Variants in MYOCD observed in about 807,000 individuals in gnomAD.
The protein encoded by MYOCD is myocardin.
In MYOCD, 32 loss-of-function variants were observed where a neutral mutation model predicts 96.1. The ratio of observed to expected loss-of-function variants is 0.33; its 90% CI spans 0.25 to 0.45. The LOEUF (loss-of-function observed/expected upper bound fraction) is 0.45, where lower values mean the gene tolerates loss of function less well. MYOCD is among the 20% of genes least tolerant of loss of function. The pLI, the probability that MYOCD is intolerant of heterozygous loss-of-function variation, is 1.00. For synonymous variants in MYOCD, 469 were observed against 469.0 expected (o/e 1.00, Z 0.00); for missense variants, 1,133 against 1,200.6 (o/e 0.94, Z 0.83).
At chr17:12,691,848 A>C (rs1195172399) in intron 1 of MYOCD, among the ~76,000 whole-genome samples, 1 of 152,174 alleles carries the variant, frequency 6.6e-6, no homozygotes, top group Non-Finnish European at 1.5e-5. Flanking sequence ...GAGCTTTTAT[A>C]TCTTAGGAGC....
At chr17:12,700,398 A>ATTTTT in intron 1 of MYOCD, among the ~76,000 whole-genome samples, 3 of 83,482 alleles carry the variant, frequency 3.6e-5, no homozygotes, top group Non-Finnish European at 6.7e-5. Flanking sequence ...GCAATGGGAG[A>ATTTTT]ATTTTTTTTT....
chr17:12,710,481 TA>T, intron 2 of MYOCD: 1 of 960,016 alleles, frequency 1.0e-6, no homozygotes, highest in Non-Finnish European at 1.2e-6. Flanking sequence ...GTGCTGCCTT[TA>T]TTTTTTTTGC....
At chr17:12,687,720 G>A (rs1163717162) in intron 1 of MYOCD, among the ~76,000 whole-genome samples, 2 of 152,194 alleles carry the variant, frequency 1.3e-5, no homozygotes, top group Non-Finnish European at 2.9e-5. Flanking sequence ...CTTTGGCGCT[G>A]AAGAGGTTGC....
Position 12,763,152 on chromosome 17 carries a change from T to C in MYOCD, c.2469T>C (p.Thr823=). Residue 823 remains threonine (T), a synonymous_variant, in exon 14 of 14, where the codon ACT becomes ACC. Transcript: ENST00000425538. The part of the protein sequence containing the change: ...PKIPRSSRSP[T]AVLTKPSASF... ...TACCCAGATCTTCCCGAAGTCCAAC[T>C]GCTGTCCTCACCAAGCCCTCGGCTT... The C allele has an allele frequency of 6.2e-7, 1 of 1,614,192 alleles. No homozygotes were observed. Among genetic ancestry groups the C allele is most frequent in the African/African-American group, 1.3e-5 (1 of 75,058 alleles).
At chr17:12,710,250 G>A (rs2031440255) in intron 2 of MYOCD, among the ~76,000 whole-genome samples, 2 of 152,124 alleles carry the variant, frequency 1.3e-5, no homozygotes, top group African/African-American at 4.8e-5. Context: ...TTAACCCAGG[G>A]GAGAGATGAA....
At chr17:12,716,524 C>T (rs1200038210) in intron 3 of MYOCD, among the ~76,000 whole-genome samples, 1 of 152,166 alleles carries the variant, frequency 6.6e-6, no homozygotes, top group African/African-American at 2.4e-5. Flanking sequence ...TCTTCATGCC[C>T]ATCCAGTTCC....
In MYOCD at chr17:12,752,744, C is replaced by T. The variant is rs1290198962; in HGVS notation, c.1456C>T (p.Pro486Ser). Residue 486 changes from proline (P) to serine (S), a missense_variant, in exon 10 of 14, where the codon CCG (proline) becomes TCG (serine). Physicochemically the swap from Pro to Ser is moderately conservative, Grantham distance 74. Transcript: ENST00000425538. The stretch of plus-strand genomic sequence containing the variant: ...TGCCTCCCCCTCCTTCGGCCTGCAC[C>T]CGTCCCCAGTCCACGTGTGCACGGA... ...NDASPSFGLH[P>S]SPVHVCTEES... 6.2e-7 allele frequency: 1 copy of T among 1,614,146 alleles called. No individual in the cohort carries two copies. Among genetic ancestry groups the T allele is most frequent in the Non-Finnish European group, 8.5e-7 (1 of 1,180,036 alleles).
In MYOCD at chr17:12,758,098, A is replaced by C. The variant is rs773002619; in HGVS notation, c.2216A>C (p.His739Pro). The C allele has an allele frequency of 1.2e-6, 2 of 1,613,530 alleles. No homozygotes were observed. Among genetic ancestry groups the C allele is most frequent in the Non-Finnish European group, 1.7e-6 (2 of 1,179,572 alleles). Residue 739 changes from histidine to proline, a missense_variant, in exon 12 of 14, where the codon CAC becomes CCC. Transcript: ENST00000425538. ...PCVQQKMAGL[H>P]SSDKVGPKFS... ...TTACCCATGCAGATGGCTGGTTTAC[A>C]CTCTTCTGATAAGGTGGGGCCAAAG...
At chr17:12,739,670 G>A (rs909078969) in intron 7 of MYOCD, among the ~76,000 whole-genome samples, 1 of 152,158 alleles carries the variant, frequency 6.6e-6, no homozygotes, top group Non-Finnish European at 1.5e-5. Flanking sequence ...TCATAAAATA[G>A]GTATGCAGCA....
intron 4 of MYOCD, among the ~76,000 whole-genome samples, chr17:12,718,486 A>C (rs1413360104): frequency 6.6e-6 from 1 of 152,238 alleles, no homozygotes. Flanking sequence ...CTAGCTTTAA[A>C]GCGCACGAAA....
chr17:12,720,332 C>A (rs1302404084), intron 4 of MYOCD: 1 of 152,110 alleles, frequency 6.6e-6, no homozygotes, highest in Non-Finnish European at 1.5e-5. Context: ...CCTTCTTGGG[C>A]GATCCGCTTT....
At chr17:12,704,900 C>G in intron 1 of MYOCD, 1 of 501,670 alleles carries the variant, frequency 2.0e-6, no homozygotes, top group Non-Finnish European at 3.6e-6. Context: ...AAAGAGGAGA[C>G]AAGTATTCTA....
Position 12,746,091 on chromosome 17 carries a change from GTTTC to G in MYOCD, c.1125+27_1125+30del. 1 of 1,610,146 alleles carries G rather than the reference GTTTC, an allele frequency of 6.2e-7. No homozygotes were observed. The highest frequency in any genetic ancestry group is 8.5e-7 in the Non-Finnish European group (1 of 1,178,886). ...TCTGAAGGTATAGGATTTGACATGA[GTTTC>G]TTTCTTTTTTTAAACAAATACAACA... is the stretch of plus-strand genomic sequence containing the variant. On this transcript the variant is annotated intron_variant, in intron 9 of 13. Transcript: ENST00000425538.
intron 4 of MYOCD, among the ~76,000 whole-genome samples, chr17:12,722,198 CA>C (rs2031858883): frequency 6.6e-6 from 1 of 152,180 alleles, no homozygotes; most frequent in Non-Finnish European, 1.5e-5. Context: ...AGAAATAAGT[CA>C]GGGCCCAACC....
chr17:12,666,850 G>T (rs1352941909), intron 1 of MYOCD, among the ~76,000 whole-genome samples: 1 of 152,140 alleles, frequency 6.6e-6, no homozygotes, highest in Non-Finnish European at 1.5e-5. Context: ...TGTGTTAGTG[G>T]CACATGGAGA....
intron 10 of MYOCD, 104 bp downstream of exon 10, chr17:12,753,450 T>A (rs1421575345): frequency 1.5e-5 from 16 of 1,064,904 alleles, no homozygotes; most frequent in Non-Finnish European, 2.1e-5. Context: ...ATGGGAAGGG[T>A]TTACCAAAAG....
intron 10 of MYOCD, among the ~76,000 whole-genome samples, chr17:12,754,335 C>T (rs2032952138): frequency 6.6e-6 from 1 of 152,186 alleles, no homozygotes; most frequent in Non-Finnish European, 1.5e-5. Flanking sequence ...AACTCCTGAC[C>T]TCGTGATCCG....
At chr17:12,748,340 G>C (rs911890154) in intron 9 of MYOCD, among the ~76,000 whole-genome samples, 1 of 152,104 alleles carries the variant, frequency 6.6e-6, no homozygotes, top group African/African-American at 2.4e-5. Context: ...TTCAGAGATA[G>C]AGACCAAATT....
chr17:12,682,185 C>T (rs184845596), intron 1 of MYOCD, among the ~76,000 whole-genome samples: 1 of 152,318 alleles, frequency 6.6e-6, no homozygotes, highest in East Asian at 1.9e-4. Context: ...ACATGTCAGA[C>T]CCACAGATGA....
Sources: allele counts gnomAD v4.1 joint callset (sites outside exome capture counted in the v4.1 genomes callset), GRCh38; gene constraint gnomAD v4.1.1; transcripts MANE v1.5; gene names NCBI Gene and HGNC (gene_info 2026-07-23, HGNC 2026-07-21).